Variants in KCNIP4 observed in about 807,000 individuals in gnomAD.
The protein encoded by KCNIP4 is potassium voltage-gated channel interacting protein 4, also known as Kv channel-interacting protein 4.
In KCNIP4, 12 loss-of-function variants were observed where a neutral mutation model predicts 34.0. The observed-to-expected ratio is 0.35, with a 90% CI of 0.23 to 0.57. KCNIP4 has a LOEUF of 0.57. Ranked by LOEUF, KCNIP4 falls within the 20% of genes least tolerant of loss-of-function variation. KCNIP4 has a pLI of 0.83. For synonymous variants in KCNIP4, 124 were observed against 102.2 expected (o/e 1.21, Z -1.29); for missense variants, 238 against 311.7 (o/e 0.76, Z 1.78).
intron 1 of KCNIP4, among the ~76,000 whole-genome samples, chr4:21,404,439 C>A (rs1723804051): frequency 6.6e-6 from 1 of 152,040 alleles, no homozygotes; most frequent in South Asian, 2.1e-4. Flanking sequence ...GTGATATAAC[C>A]TCATCCATAT....
intron 1 of KCNIP4, among the ~76,000 whole-genome samples, chr4:21,813,288 G>T (rs1721774370): frequency 6.6e-6 from 1 of 151,974 alleles, no homozygotes; most frequent in South Asian, 2.1e-4. Flanking sequence ...CTAGCTATCT[G>T]GTTGAAAGGA....
intron 1 of KCNIP4, among the ~76,000 whole-genome samples, chr4:21,173,157 T>C (rs893533917): frequency 2.6e-5 from 4 of 152,170 alleles, no homozygotes; most frequent in African/African-American, 9.6e-5. Flanking sequence ...CTGCCTTAAC[T>C]GCAAGGGAAG....
Position 20,734,688 on chromosome 4 carries a change from T to A in KCNIP4, c.477A>T (p.Glu159Asp). ...LSILLRGTVQ[E>D]KLNWAFNLYD... ...ACAGATTAAATGCCCAATTGAGTTT[T>A]TCTTGTACTGTCCCCCGGAGCAAAA... Residue 159 changes from glutamate (E) to aspartate (D), a missense_variant, in exon 6 of 9, where the codon GAA becomes GAT. Transcript: ENST00000382152. 1.9e-6 allele frequency: 3 copies of A among 1,603,730 alleles called. No homozygotes were observed. The highest frequency in any genetic ancestry group is 2.6e-6 in the Non-Finnish European group (3 of 1,175,272).
intron 1 of KCNIP4, among the ~76,000 whole-genome samples, chr4:21,140,123 CA>C (rs995058662): frequency 6.6e-6 from 1 of 151,840 alleles, no homozygotes; most frequent in African/African-American, 2.4e-5. Flanking sequence ...CATGATCTTT[CA>C]AAAAAATAGT....
intron 1 of KCNIP4, among the ~76,000 whole-genome samples, chr4:21,355,178 A>T (rs955680006): frequency 6.6e-6 from 1 of 152,200 alleles, no homozygotes; most frequent in Non-Finnish European, 1.5e-5. Flanking sequence ...TTATAGCACT[A>T]AATGCCCACA....
At chr4:21,269,137 AAAG>A (rs1475868202) in intron 1 of KCNIP4, among the ~76,000 whole-genome samples, 1 of 152,204 alleles carries the variant, frequency 6.6e-6, no homozygotes, top group Non-Finnish European at 1.5e-5. Flanking sequence ...CTATAGTGAG[AAAG>A]AAGGACTGGA....
At chr4:21,003,139 GT>G (rs2149721192) in intron 1 of KCNIP4, among the ~76,000 whole-genome samples, 1 of 152,244 alleles carries the variant, frequency 6.6e-6, no homozygotes, top group East Asian at 1.9e-4. Flanking sequence ...AATATCTCCA[GT>G]TTAGGACTGA....
chr4:21,131,463 A>C (rs1238910559), intron 1 of KCNIP4, among the ~76,000 whole-genome samples: 6 of 152,164 alleles, frequency 3.9e-5, no homozygotes, highest in African/African-American at 1.4e-4. Flanking sequence ...CAAAAAAATT[A>C]GCTGGGCATG....
At chr4:21,391,951 C>T (rs1008899864) in intron 1 of KCNIP4, among the ~76,000 whole-genome samples, 1 of 152,156 alleles carries the variant, frequency 6.6e-6, no homozygotes, top group African/African-American at 2.4e-5. Context: ...AGTCTGTTTC[C>T]ACTGCTATCC....
At chr4:21,046,740 C>T (rs367930610) in intron 1 of KCNIP4, among the ~76,000 whole-genome samples, 10 of 152,148 alleles carry the variant, frequency 6.6e-5, no homozygotes, top group Middle Eastern at 3.4e-3. Flanking sequence ...TACAGGCACG[C>T]GCAACCACGC....
chr4:20,763,756 T>A (rs946766728), intron 3 of KCNIP4, among the ~76,000 whole-genome samples: 2 of 152,198 alleles, frequency 1.3e-5, no homozygotes, highest in Non-Finnish European at 2.9e-5. Context: ...AGATGGGATC[T>A]CACTATGTTG....
At chr4:20,738,982 G>A (rs1357904349) in intron 5 of KCNIP4, among the ~76,000 whole-genome samples, 1 of 152,170 alleles carries the variant, frequency 6.6e-6, no homozygotes, top group Non-Finnish European at 1.5e-5. Context: ...ACAGAGCCTT[G>A]CTCACTGCTA....
intron 1 of KCNIP4, among the ~76,000 whole-genome samples, chr4:21,438,439 T>C (rs1413242872): frequency 6.6e-6 from 1 of 152,230 alleles, no homozygotes; most frequent in East Asian, 1.9e-4. Context: ...GAAATACATA[T>C]TACTGTAACA....
At chr4:20,902,907 C>A (rs1249677590) in intron 1 of KCNIP4, among the ~76,000 whole-genome samples, 1 of 152,188 alleles carries the variant, frequency 6.6e-6, no homozygotes, top group Non-Finnish European at 1.5e-5. Flanking sequence ...GAAGATCCGA[C>A]TTTTGTTCTG....
chr4:21,400,849 C>A (rs1723497597), intron 1 of KCNIP4, among the ~76,000 whole-genome samples: 1 of 152,094 alleles, frequency 6.6e-6, no homozygotes, highest in Non-Finnish European at 1.5e-5. Flanking sequence ...GTGATAGTTG[C>A]AGATCTGGGA....
chr4:21,887,955 T>C (rs1384160583), intron 1 of KCNIP4, among the ~76,000 whole-genome samples: 3 of 152,182 alleles, frequency 2.0e-5, no homozygotes, highest in Non-Finnish European at 2.9e-5. Flanking sequence ...TACCTAGTGT[T>C]TTATCATTAG....
At chr4:21,100,270 G>T (rs997758832) in intron 1 of KCNIP4, among the ~76,000 whole-genome samples, 1 of 152,128 alleles carries the variant, frequency 6.6e-6, no homozygotes. Context: ...CACAGCCTTG[G>T]CTGGGCACGG....
chr4:21,260,147 C>T (rs534654521), intron 1 of KCNIP4, among the ~76,000 whole-genome samples: 44 of 151,812 alleles, frequency 2.9e-4, no homozygotes, highest in African/African-American at 8.9e-4. Flanking sequence ...TAGAAATGAG[C>T]GTTTATGGTC....
intron 1 of KCNIP4, among the ~76,000 whole-genome samples, chr4:21,382,874 T>A (rs1255227168): frequency 6.6e-6 from 1 of 152,208 alleles, no homozygotes; most frequent in Non-Finnish European, 1.5e-5. Flanking sequence ...TTCCAGATAC[T>A]GTGTATACAA....
Sources: allele counts gnomAD v4.1 joint callset (sites outside exome capture counted in the v4.1 genomes callset), GRCh38; gene constraint gnomAD v4.1.1; transcripts MANE v1.5; gene names NCBI Gene and HGNC (gene_info 2026-07-23, HGNC 2026-07-21).